The following NCKAP5 variants were observed in gnomAD, a reference collection of about 807,000 sequenced individuals.
NCKAP5 encodes the protein NCK associated protein 5.
In NCKAP5, 92 loss-of-function variants were observed where a neutral mutation model predicts 167.0. The observed-to-expected ratio is 0.55, with a 90% CI of 0.47 to 0.66. The LOEUF (loss-of-function observed/expected upper bound fraction) is 0.66. Ranked by LOEUF, NCKAP5 falls within the 30% of genes least tolerant of loss-of-function variation. NCKAP5 has a pLI of 0.00. For synonymous variants in NCKAP5, 891 were observed against 877.4 expected (o/e 1.02, Z -0.27); for missense variants, 2,378 against 2,315.0 (o/e 1.03, Z -0.56).
At chr2:133,232,063 G>T (rs1320440213) in intron 4 of NCKAP5, among the ~76,000 whole-genome samples, 1 of 152,158 alleles carries the variant, frequency 6.6e-6, no homozygotes, top group Non-Finnish European at 1.5e-5. Context: ...AAGCTGTGTG[G>T]GTTTTCTCTG....
chr2:133,023,106 A>G (rs2078582580), intron 6 of NCKAP5, among the ~76,000 whole-genome samples: 1 of 152,204 alleles, frequency 6.6e-6, no homozygotes, highest in South Asian at 2.1e-4. Context: ...GAAGCAGAGG[A>G]CACAGCTTAC....
At chr2:133,366,325 CAG>C (rs1685454517) in intron 3 of NCKAP5, among the ~76,000 whole-genome samples, 1 of 152,110 alleles carries the variant, frequency 6.6e-6, no homozygotes, top group Non-Finnish European at 1.5e-5. Context: ...GTTGTTAAGA[CAG>C]AGTCTTGCTC....
the NCKAP5 span, among the ~76,000 whole-genome samples, chr2:133,577,750 C>A: frequency 1.2e-4 from 18 of 152,092 alleles, no homozygotes; most frequent in Non-Finnish European, 1.8e-4. Flanking sequence ...GTTCAATTTC[C>A]TTTTGATCTA....
At chr2:132,752,373 A>C (rs2104796108) in intron 16 of NCKAP5, among the ~76,000 whole-genome samples, 1 of 152,354 alleles carries the variant, frequency 6.6e-6, no homozygotes, top group East Asian at 1.9e-4. Context: ...CAGTCTAAAA[A>C]GTAAAAGCAT....
intron 3 of NCKAP5, among the ~76,000 whole-genome samples, chr2:133,509,948 T>C (rs1683343680): frequency 6.6e-6 from 1 of 152,168 alleles, no homozygotes; most frequent in Non-Finnish European, 1.5e-5. Flanking sequence ...GTGGCTTCGA[T>C]GACAGCCTGC....
intron 8 of NCKAP5, among the ~76,000 whole-genome samples, chr2:132,880,873 G>C (rs546368598): frequency 6.6e-6 from 1 of 152,110 alleles, no homozygotes; most frequent in Non-Finnish European, 1.5e-5. Context: ...TTTCTTTTCT[G>C]TACCTGGAAA....
At chr2:133,209,322 G>A (rs1368521923) in intron 5 of NCKAP5, among the ~76,000 whole-genome samples, 3 of 150,424 alleles carry the variant, frequency 2.0e-5, no homozygotes, top group Non-Finnish European at 3.0e-5. Flanking sequence ...AAAAACGGTG[G>A]TGGCATTTAT....
At chr2:132,923,096 C>A (rs1695571231) in intron 8 of NCKAP5, among the ~76,000 whole-genome samples, 1 of 152,110 alleles carries the variant, frequency 6.6e-6, no homozygotes. Flanking sequence ...CAGTCCTTGC[C>A]TTCATGGGCT....
At chr2:133,194,011 C>T (rs2085335972) in intron 5 of NCKAP5, among the ~76,000 whole-genome samples, 1 of 152,090 alleles carries the variant, frequency 6.6e-6, no homozygotes, top group Admixed American at 6.6e-5. Context: ...ATTTAATACA[C>T]AGTTATGCAC....
chr2:132,784,251 C>T lies in NCKAP5; in HGVS notation c.2560G>A (p.Gly854Arg), dbSNP rs761576192. 2.5e-6 allele frequency: 4 copies of T among 1,607,076 alleles called. No individual in the cohort carries two copies. In the Admixed American group the frequency reaches 6.8e-5, roughly 27 times the overall value. The change falls in exon 14 of 20, where the codon GGG (glycine) becomes AGG (arginine). Residue 854 changes from glycine (G) to arginine (R), a missense_variant. Physicochemically the swap from Gly to Arg is moderately radical, Grantham distance 125. Transcript: ENST00000409261. ...LSRFMKTESS[G>R]PLFELRSDPH... is the part of the protein sequence containing the mutation. Reference sequence around the variant, plus strand: ...TCTGATCGTAATTCAAAGAGGGGCCCTGAGCTCTCAGTCTTCATGAATCGT... The same window carrying T: ...TCTGATCGTAATTCAAAGAGGGGCCTTGAGCTCTCAGTCTTCATGAATCGT...
chr2:133,317,547 C>A (rs1007607708), intron 3 of NCKAP5, among the ~76,000 whole-genome samples: 1 of 152,080 alleles, frequency 6.6e-6, no homozygotes, highest in African/African-American at 2.4e-5. Context: ...TTCATGGGCA[C>A]CTCCCCGCAG....
At chr2:133,568,471 T>C (rs1180289310), upstream of NCKAP5, 2 of 151,810 alleles carry the variant, frequency 1.3e-5, no homozygotes, top group African/African-American at 2.4e-5. Flanking sequence ...TTCGAGCTTG[T>C]AAATACAAGC....
chr2:132,956,826 G>T (rs370966487), intron 8 of NCKAP5, among the ~76,000 whole-genome samples: 2 of 152,124 alleles, frequency 1.3e-5, no homozygotes, highest in South Asian at 4.1e-4. Flanking sequence ...ACTCAACAAG[G>T]ATACCCTTGG....
intron 5 of NCKAP5, among the ~76,000 whole-genome samples, chr2:133,168,816 T>G (rs2084115522): frequency 6.6e-6 from 1 of 152,184 alleles, no homozygotes; most frequent in Admixed American, 6.5e-5. Flanking sequence ...TGGCACAGAT[T>G]TCAGAGCCAG....
At chr2:132,755,515 T>C (rs1295560043) in intron 16 of NCKAP5, among the ~76,000 whole-genome samples, 1 of 152,088 alleles carries the variant, frequency 6.6e-6, no homozygotes, top group African/African-American at 2.4e-5. Context: ...CTAGCTACTT[T>C]TACCTCAGAC....
At chr2:133,597,696 A>AAAAAAAAAAAAAG in the NCKAP5 span, among the ~76,000 whole-genome samples, 1 of 149,160 alleles carries the variant, frequency 6.7e-6, no homozygotes, top group African/African-American at 2.5e-5. Context: ...AAAAAAAAAA[A>AAAAAAAAAAAAAG]AAGAAGAGAA....
rs190474732 is a variant in NCKAP5, at chr2:133,236,042, G to A, written c.144-22263C>T. ...GATCACATCACTGCCCTGCAACTTG[G>A]GTGACAAATCAAGACCCTGTCTCAG... On this transcript the variant is annotated intron_variant, in intron 4 of 19. Coordinates refer to ENST00000409261, the MANE Select transcript of NCKAP5 (RefSeq NM_207363.3). Among the ~76,000 whole-genome samples, 67 of 129,366 alleles carry A rather than the reference G, an allele frequency of 5.2e-4. 1 individual carries two copies. In the East Asian group the frequency reaches 0.014, roughly 26 times the overall value. 84.9% of individuals were successfully genotyped at this position (129,366 alleles called of 152,430 possible). A position where few individuals can be genotyped will look rare whatever the true frequency, so the allele number is the denominator to read the frequency against.
At chr2:133,403,900 T>TGC (rs1359991377) in intron 3 of NCKAP5, among the ~76,000 whole-genome samples, 6 of 144,766 alleles carry the variant, frequency 4.1e-5, no homozygotes, top group Non-Finnish European at 7.4e-5. Context: ...TGTGTGTGTG[T>TGC]GTGTGTGTGT....
At chr2:133,187,920 T>G (rs2150063949) in intron 5 of NCKAP5, among the ~76,000 whole-genome samples, 1 of 152,194 alleles carries the variant, frequency 6.6e-6, no homozygotes, top group Non-Finnish European at 1.5e-5. Context: ...GGGTCTTGAA[T>G]CTATCCAATT....
Sources: gnomAD v4.1 joint callset for allele counts (sites outside exome capture counted in the v4.1 genomes callset) on GRCh38, gnomAD v4.1.1 for gene constraint, MANE v1.5 for transcripts, NCBI Gene and HGNC (gene_info 2026-07-23, HGNC 2026-07-21) for gene names.